Variants in CLPB observed in about 807,000 individuals in gnomAD.
CLPB encodes the protein ClpB family mitochondrial disaggregase.
A neutral mutation model predicts 78.4 loss-of-function variants in CLPB; 40 were observed. The observed-to-expected ratio is 0.51, with a 90% confidence interval of 0.40 to 0.66. The LOEUF (loss-of-function observed/expected upper bound fraction) is 0.66, where lower values mean the gene tolerates loss of function less well. Ranked by LOEUF, CLPB falls within the 30% of genes least tolerant of loss-of-function variation. The probability of loss-of-function intolerance (pLI) is 0.00; values close to 1 mark genes in which losing one functional copy is unlikely to be tolerated. For missense variants in CLPB, 780 were observed against 886.9 expected (o/e 0.88, Z 1.53); for synonymous variants, 333 against 348.0 (o/e 0.96, Z 0.48).
At chr11:72,359,122 A>G (rs1173231625) in intron 4 of CLPB, 114 bp from the exon 5 acceptor site, 2 of 1,522,464 alleles carry the variant, frequency 1.3e-6, no homozygotes, top group Admixed American at 1.7e-5. Flanking sequence ...CTTACTAAGC[A>G]TAAAATGGCA....
rs377766896 is a variant in CLPB at position 72,373,008 on chromosome 11, C to G, written c.646+7273G>C. ...GATGTGCCGGCTTGCACCGTCCTGT[C>G]CCCCATCTGAAGACACAGAGATGGG... On this transcript the variant is annotated intron_variant, in intron 4 of 15. Coordinates refer to ENST00000538039, the MANE Select transcript of CLPB (RefSeq NM_001258392.3). 1.6e-4 allele frequency: 255 copies of G among 1,613,840 alleles called. No homozygotes were observed. Among genetic ancestry groups the G allele is most frequent in the Non-Finnish European group, 1.9e-4 (225 of 1,179,914 alleles).
intron 6 of CLPB, among the ~76,000 whole-genome samples, chr11:72,329,066 C>T (rs1950177121): frequency 6.6e-6 from 1 of 152,362 alleles, no homozygotes; most frequent in East Asian, 1.9e-4. Context: ...CTTGCCAGCT[C>T]TCAGATTTGT....
Position 72,329,414 on chromosome 11 carries a change from T to C in CLPB, c.873+293A>G, listed in dbSNP as rs148272121. Among the ~76,000 whole-genome samples the C allele has an allele frequency of 1.0e-3, 155 of 152,280 alleles. 1 individual carries two copies. The highest frequency in any genetic ancestry group is 3.7e-3 in the African/African-American group (154 of 41,558). On this transcript the variant is annotated intron_variant, in intron 6 of 15. Coordinates refer to ENST00000538039, the MANE Select transcript of CLPB (RefSeq NM_001258392.3). Reference sequence around the variant, plus strand: ...CCTCCTCTGAAAAGGACCTGGGAGATCCATCACTTCATAAACCAAATTTAA... The same window carrying C: ...CCTCCTCTGAAAAGGACCTGGGAGACCCATCACTTCATAAACCAAATTTAA...
At chr11:72,331,530 T>C (rs1478292443) in intron 5 of CLPB, among the ~76,000 whole-genome samples, 4 of 150,108 alleles carry the variant, frequency 2.7e-5, no homozygotes, top group Non-Finnish European at 5.9e-5. Context: ...CGTGGGCCAC[T>C]GTGCCCAGCC....
At chr11:72,360,933 C>A (rs1046401660) in intron 4 of CLPB, among the ~76,000 whole-genome samples, 9 of 152,274 alleles carry the variant, frequency 5.9e-5, no homozygotes, top group African/African-American at 2.2e-4. Flanking sequence ...CATAATGTCA[C>A]CCTCAATTTC....
chr11:72,321,890 C>T (rs1950049921), intron 6 of CLPB, among the ~76,000 whole-genome samples: 1 of 150,428 alleles, frequency 6.6e-6, no homozygotes, highest in Non-Finnish European at 1.5e-5. Flanking sequence ...GGGCTTCTAC[C>T]ATGTCCTGAA....
Position 72,434,097 on chromosome 11 carries a change from G to A in CLPB, c.378C>T (p.Cys126=). The A allele has an allele frequency of 1.9e-6, 3 of 1,611,464 alleles. No homozygotes were observed. Among genetic ancestry groups the A allele is most frequent in the Middle Eastern group, 1.6e-4 (1 of 6,062 alleles). The stretch of plus-strand genomic sequence containing the variant: ...CCTTGTTGGACGGACTCTTGCTGTA[G>A]CAATGAACCACCAGCGCTGCGGCCA... The part of the protein sequence containing the change: ...CALAAALVVH[C]YSKSPSNKDA... Residue 126 remains cysteine, a synonymous_variant, in exon 1 of 16, where the codon TGC becomes TGT. Transcript: ENST00000538039.
chr11:72,293,200 T>C lies in CLPB; in HGVS notation c.*167A>G, dbSNP rs910720437. ...GCCAGAGTAGGGCGAAATTCCTCCT[T>C]CAGGTTTTGGGGCTGAGAAGGGGTC... On this transcript the variant is annotated 3_prime_UTR_variant, in exon 16 of 16. Transcript: ENST00000538039. The C allele has an allele frequency of 2.6e-5, 21 of 818,732 alleles. No individual in the cohort carries two copies. Among genetic ancestry groups the C allele is most frequent in the Non-Finnish European group, 4.0e-5 (21 of 531,496 alleles). The allele number at this position is 818,732 out of a possible 1,614,324, so 50.7% of individuals were successfully genotyped here. A position where few individuals can be genotyped will look rare whatever the true frequency, so the allele number is the denominator to read the frequency against.
chr11:72,320,019 A>C (rs1950017716), intron 6 of CLPB, among the ~76,000 whole-genome samples: 1 of 152,196 alleles, frequency 6.6e-6, no homozygotes, highest in African/African-American at 2.4e-5. Flanking sequence ...GCGGCTCTCG[A>C]GGCTCCATCT....
chr11:72,365,761 A>G (rs908529214), intron 4 of CLPB, among the ~76,000 whole-genome samples: 1 of 152,226 alleles, frequency 6.6e-6, no homozygotes, highest in African/African-American at 2.4e-5. Context: ...CCACACACCT[A>G]TACCCAACTG....
chr11:72,409,308 G>T (rs535390595), intron 2 of CLPB, among the ~76,000 whole-genome samples: 1 of 152,178 alleles, frequency 6.6e-6, no homozygotes, highest in Admixed American at 6.5e-5. Context: ...TTGAAGCCAC[G>T]CATGGTGGCT....
chr11:72,339,793 T>C (rs1378535278), intron 5 of CLPB, among the ~76,000 whole-genome samples: 1 of 152,230 alleles, frequency 6.6e-6, no homozygotes, highest in Non-Finnish European at 1.5e-5. Flanking sequence ...CCTCAGCACA[T>C]GGAAGGCTGG....
At chr11:72,332,741 GT>G (rs1950250569) in intron 5 of CLPB, 1 of 152,106 alleles carries the variant, frequency 6.6e-6, no homozygotes, top group South Asian at 2.1e-4. Context: ...GGCCTTTTGT[GT>G]CTGACTTTTT....
intron 2 of CLPB, among the ~76,000 whole-genome samples, chr11:72,408,451 A>T (rs1855774101): frequency 6.6e-6 from 1 of 152,092 alleles, no homozygotes; most frequent in Non-Finnish European, 1.5e-5. Flanking sequence ...GTGGATCATG[A>T]GGTCAGGAGA....
chr11:72,311,438 A>G (rs1337641960), intron 7 of CLPB, among the ~76,000 whole-genome samples: 1 of 152,232 alleles, frequency 6.6e-6, no homozygotes, highest in Non-Finnish European at 1.5e-5. Flanking sequence ...GGTAAGCAGA[A>G]CAGGGGACTT....
At chr11:72,423,006 C>T (rs1856256748) in intron 2 of CLPB, among the ~76,000 whole-genome samples, 1 of 152,194 alleles carries the variant, frequency 6.6e-6, no homozygotes, top group Non-Finnish European at 1.5e-5. Flanking sequence ...AAAGCCCAAC[C>T]CTTTCTTTTT....
chr11:72,384,674 C>T (rs1855023987), intron 3 of CLPB, among the ~76,000 whole-genome samples: 1 of 152,054 alleles, frequency 6.6e-6, no homozygotes, highest in Non-Finnish European at 1.5e-5. Flanking sequence ...TAAGGACACA[C>T]ATAGACTAAA....
chr11:72,422,937 G>A (rs1391528414), intron 2 of CLPB, among the ~76,000 whole-genome samples: 2 of 152,176 alleles, frequency 1.3e-5, no homozygotes, highest in Non-Finnish European at 2.9e-5. Context: ...GGCATCCAGG[G>A]ACGAGAACCA....
intron 7 of CLPB, among the ~76,000 whole-genome samples, chr11:72,313,877 C>A (rs1949891458): frequency 6.6e-6 from 1 of 152,168 alleles, no homozygotes; most frequent in Non-Finnish European, 1.5e-5. Flanking sequence ...TCTCAGCAGA[C>A]AACGTGGAAG....
Sources: allele counts gnomAD v4.1 joint callset (sites outside exome capture counted in the v4.1 genomes callset), GRCh38; gene constraint gnomAD v4.1.1; transcripts MANE v1.5; gene names NCBI Gene and HGNC (gene_info 2026-07-23, HGNC 2026-07-21).